Variants in EHBP1 observed in about 807,000 individuals in gnomAD.
The protein encoded by EHBP1 is EH domain binding protein 1.
EHBP1 carries 55 observed loss-of-function variants against 144.0 expected under a neutral mutation model. That is an observed-to-expected ratio of 0.38 (90% CI 0.31 to 0.48). The LOEUF is 0.48. Ranked by LOEUF, EHBP1 falls within the 20% of genes least tolerant of loss-of-function variation. The pLI, the probability that EHBP1 is intolerant of heterozygous loss-of-function variation, is 0.98. For synonymous variants in EHBP1, 469 were observed against 472.7 expected, an observed-to-expected ratio of 0.99 and a Z score of 0.10; for missense variants, 1,200 against 1,364.2, an observed-to-expected ratio of 0.88 and a Z score of 1.90.
At chr2:62,819,499 T>C (rs924803752) in intron 5 of EHBP1, among the ~76,000 whole-genome samples, 2 of 152,180 alleles carry the variant, frequency 1.3e-5, no homozygotes, top group African/African-American at 2.4e-5. Flanking sequence ...GGCTCATGCC[T>C]GTAATCCCAA....
intron 1 of EHBP1, among the ~76,000 whole-genome samples, chr2:62,691,299 C>T (rs1478531833): frequency 6.6e-6 from 1 of 152,188 alleles, no homozygotes; most frequent in African/African-American, 2.4e-5. Context: ...CAGGCTTCTT[C>T]CAGCTTGATA....
chr2:62,808,486 G>A (rs1229615257), intron 5 of EHBP1, among the ~76,000 whole-genome samples: 1 of 151,884 alleles, frequency 6.6e-6, no homozygotes, highest in Non-Finnish European at 1.5e-5. Context: ...TTTCTTATTG[G>A]TTCTTTCTTA....
chr2:62,888,163 G>A (rs1356983702), intron 10 of EHBP1, among the ~76,000 whole-genome samples: 2 of 152,194 alleles, frequency 1.3e-5, no homozygotes, highest in African/African-American at 4.8e-5. Context: ...AAAGTGAATG[G>A]CTCCTGAAAT....
At chr2:62,819,189 G>A (rs1238406051) in intron 5 of EHBP1, among the ~76,000 whole-genome samples, 1 of 152,116 alleles carries the variant, frequency 6.6e-6, no homozygotes, top group African/African-American at 2.4e-5. Flanking sequence ...CAAGGAATGT[G>A]GAGTTGCTTT....
intron 7 of EHBP1, among the ~76,000 whole-genome samples, chr2:62,843,073 A>C (rs1186156918): frequency 6.6e-6 from 1 of 152,192 alleles, no homozygotes; most frequent in Non-Finnish European, 1.5e-5. Flanking sequence ...AATTCTCTGA[A>C]TCTAATTGAA....
Position 62,934,305 on chromosome 2 carries a change from G to A in EHBP1, c.1186-8413G>A, listed in dbSNP as rs115017594. Among the ~76,000 whole-genome samples the A allele has an allele frequency of 2.0e-3, 312 of 152,264 alleles. 3 individuals carry two copies. The highest frequency in any genetic ancestry group is 6.6e-3 in the African/African-American group (273 of 41,554). ...GGAGAAGTGTGCAGTAGTACCTTGT[G>A]TAATTCTCTGAATACTGATGTGACG... is the stretch of plus-strand genomic sequence containing the variant. On this transcript the variant is annotated intron_variant, in intron 10 of 22. Transcript: ENST00000431489.
chr2:62,721,910 G>C (rs1252603365), intron 2 of EHBP1, among the ~76,000 whole-genome samples: 1 of 151,976 alleles, frequency 6.6e-6, no homozygotes, highest in Non-Finnish European at 1.5e-5. Flanking sequence ...CCTTTATTTT[G>C]AAATAATTTC....
At chr2:62,736,274 T>A (rs1299359995) in intron 2 of EHBP1, among the ~76,000 whole-genome samples, 1 of 147,680 alleles carries the variant, frequency 6.8e-6, no homozygotes, top group African/African-American at 2.5e-5. Flanking sequence ...TTGCCCAGGC[T>A]GGAGTACAGT....
chr2:62,711,023 TG>T (rs1157285066), intron 2 of EHBP1, among the ~76,000 whole-genome samples: 3 of 152,132 alleles, frequency 2.0e-5, no homozygotes, highest in Non-Finnish European at 4.4e-5. Flanking sequence ...GAAACAAACT[TG>T]GTGTGTTTTG....
At chr2:62,939,017 T>C (rs2056572628) in intron 10 of EHBP1, among the ~76,000 whole-genome samples, 1 of 152,212 alleles carries the variant, frequency 6.6e-6, no homozygotes, top group Non-Finnish European at 1.5e-5. Flanking sequence ...TTTTTTCATA[T>C]AACAGTATTT....
intron 4 of EHBP1, among the ~76,000 whole-genome samples, chr2:62,769,188 G>A (rs1002946605): frequency 2.6e-5 from 4 of 152,120 alleles, no homozygotes; most frequent in South Asian, 2.1e-4. Flanking sequence ...GAAATAAAGC[G>A]CATCCAAATA....
chr2:62,929,459 G>A (rs557427056), intron 10 of EHBP1, among the ~76,000 whole-genome samples: 3 of 152,202 alleles, frequency 2.0e-5, no homozygotes, highest in African/African-American at 7.2e-5. Flanking sequence ...TTAGCAGAAT[G>A]AAGGAGATAG....
At chr2:62,884,808 G>C (rs1422432583) in intron 10 of EHBP1, among the ~76,000 whole-genome samples, 1 of 152,130 alleles carries the variant, frequency 6.6e-6, no homozygotes, top group Non-Finnish European at 1.5e-5. Flanking sequence ...CAGCATCAAA[G>C]CTTGGTAAAA....
chr2:62,928,911 A>G (rs950312449), intron 10 of EHBP1, among the ~76,000 whole-genome samples: 1 of 151,982 alleles, frequency 6.6e-6, no homozygotes, highest in Admixed American at 6.6e-5. Context: ...GGACATTACT[A>G]CCTATTCCAC....
chr2:62,883,023 CAT>C (rs1024686480), intron 10 of EHBP1, among the ~76,000 whole-genome samples: 7 of 152,138 alleles, frequency 4.6e-5, no homozygotes, highest in African/African-American at 1.7e-4. Context: ...TACACACACA[CAT>C]ATACATACAC....
rs2043011023 is a variant in EHBP1, at chr2:62,789,155, CT to C, written c.312+17767del. ...TCAAGAACAGATAGTATGGAGTAGT[CT>C]TTTGGCTGTTGCCATTAATAAGAGT... On this transcript the variant is annotated intron_variant, in intron 5 of 22. Transcript: ENST00000431489. Among the ~76,000 whole-genome samples the C allele has an allele frequency of 7.2e-5, 11 of 152,282 alleles. No homozygotes were observed. In the South Asian group the frequency reaches 2.3e-3, roughly 32 times the overall value.
chr2:62,793,343 C>A (rs975341794), intron 5 of EHBP1, among the ~76,000 whole-genome samples: 1 of 152,014 alleles, frequency 6.6e-6, no homozygotes, highest in Admixed American at 6.6e-5. Context: ...CCTCCATTTC[C>A]GCTGCAGTGA....
At chr2:62,923,294 G>C (rs2055229004) in intron 10 of EHBP1, among the ~76,000 whole-genome samples, 1 of 152,196 alleles carries the variant, frequency 6.6e-6, no homozygotes, top group Admixed American at 6.5e-5. Flanking sequence ...GGAACAGCCT[G>C]GCAGTCTTGC....
intron 7 of EHBP1, among the ~76,000 whole-genome samples, chr2:62,846,782 A>G (rs960291328): frequency 5.3e-5 from 8 of 152,208 alleles, no homozygotes; most frequent in African/African-American, 1.9e-4. Context: ...ATAAGATGTG[A>G]AAAACCTCTG....
Sources: gnomAD v4.1 joint callset for allele counts (sites outside exome capture counted in the v4.1 genomes callset) on GRCh38, gnomAD v4.1.1 for gene constraint, MANE v1.5 for transcripts, NCBI Gene and HGNC (gene_info 2026-07-23, HGNC 2026-07-21) for gene names.